Variants in LRRC4B observed in about 807,000 individuals in gnomAD.
LRRC4B encodes the protein leucine-rich repeat-containing protein 4B.
Under a neutral mutation model 7.3 loss-of-function variants are expected in LRRC4B, and 1 was observed. That is an observed-to-expected ratio of 0.14 (90% confidence interval 0.05 to 0.65). The LOEUF is 0.65. Among genes scored for constraint, LRRC4B ranks in the 30% least tolerant of loss-of-function variants. LRRC4B has a pLI of 0.84. For missense variants in LRRC4B, 730 were observed against 1,041.6 expected (o/e 0.70, Z 4.12); for synonymous variants, 500 against 499.2 (o/e 1.00, Z -0.02).
chr19:50,546,837 C>T (rs12974858), intron 2 of LRRC4B, among the ~76,000 whole-genome samples: 16,938 of 152,172 alleles, frequency 0.11, 971 homozygotes, highest in Middle Eastern at 0.18. Flanking sequence ...CCCTGTCCCA[C>T]GCTCTCCCTG....
At chr19:50,540,554 C>T (rs952630608) in intron 2 of LRRC4B, among the ~76,000 whole-genome samples, 4 of 151,852 alleles carry the variant, frequency 2.6e-5, no homozygotes, top group African/African-American at 9.7e-5. Context: ...ACAGGTTTTG[C>T]CGTGTTGGCC....
At chr19:50,566,187 G>A (rs1982621888) in intron 1 of LRRC4B, among the ~76,000 whole-genome samples, 1 of 132,846 alleles carries the variant, frequency 7.5e-6, no homozygotes, top group Admixed American at 7.7e-5. Context: ...TCCTGGCCGC[G>A]GTCCGGGGGT....
rs1418601451 is a variant in LRRC4B at position 50,537,751 on chromosome 19, C to A, written c.297+10791G>T. Among the ~76,000 whole-genome samples the A allele has an allele frequency of 2.6e-5, 4 of 152,080 alleles. No homozygotes were observed. Among genetic ancestry groups the A allele is most frequent in the African/African-American group, 9.7e-5 (4 of 41,398 alleles). ...AAGAAACTGACAAAGTATGGGAAAT[C>A]CTATTTGAAAAGGGTAGAAACTGAG... On this transcript the variant is annotated intron_variant, in intron 2 of 2. Transcript: ENST00000652263. This position sits in a 1 kb window ranked among gnomAD's most constrained non-coding sequence, Gnocchi z 5.5.
At position 50,519,963 on chromosome 19, in the gene LRRC4B, G is replaced by A. The variant is rs1980481931; in HGVS notation, c.298-548C>T. Among the ~76,000 whole-genome samples the A allele has an allele frequency of 6.6e-6, 1 of 151,762 alleles. No individual in the cohort carries two copies. Among genetic ancestry groups the A allele is most frequent in the African/African-American group, 2.4e-5 (1 of 41,404 alleles). On this transcript the variant is annotated intron_variant, in intron 2 of 2. Coordinates refer to ENST00000652263, the MANE Select transcript of LRRC4B (RefSeq NM_001080457.2). The surrounding 1 kb of genome is among the most constrained non-coding windows in gnomAD (Gnocchi z 8.1). ...TAATCCCAGCACTTTGGGAGGCTGA[G>A]GTGGGCAGATCACTTGAACCCAGGA...
intron 2 of LRRC4B, among the ~76,000 whole-genome samples, chr19:50,542,607 G>C (rs1981600644): frequency 6.6e-6 from 1 of 151,014 alleles, no homozygotes; most frequent in African/African-American, 2.4e-5. Flanking sequence ...CTCCCAAGTA[G>C]CTGGGACTAC....
rs2122890510 is a variant in LRRC4B, at chr19:50,548,187, G to A, written c.297+355C>T. On this transcript the variant is annotated intron_variant, in intron 2 of 2. Transcript: ENST00000652263. The surrounding 1 kb of genome is among the most constrained non-coding windows in gnomAD (Gnocchi z 6.8). Reference sequence around the variant, plus strand: ...CAAGGCCACGAGAGGGTGTGGTGGTGCAGATGCCACAGGGGTCCCTGTGAA... The same window carrying A: ...CAAGGCCACGAGAGGGTGTGGTGGTACAGATGCCACAGGGGTCCCTGTGAA... 6.6e-6 allele frequency among the ~76,000 whole-genome samples: 1 copy of A among 152,326 alleles called. No individual in the cohort carries two copies. The highest frequency in any genetic ancestry group is 1.9e-4 in the East Asian group (1 of 5,174).
At chr19:50,522,906 G>A (rs553301566) in intron 2 of LRRC4B, among the ~76,000 whole-genome samples, 3 of 152,238 alleles carry the variant, frequency 2.0e-5, no homozygotes, top group South Asian at 2.1e-4. Flanking sequence ...TTCTAATATC[G>A]GAATGTCAAA....
At chr19:50,524,305 G>A (rs896692843) in intron 2 of LRRC4B, among the ~76,000 whole-genome samples, 1 of 152,206 alleles carries the variant, frequency 6.6e-6, no homozygotes, top group Non-Finnish European at 1.5e-5. Flanking sequence ...GAGTGCAGTG[G>A]CGCAGTCTCG....
rs1982175701 is a variant in LRRC4B at position 50,553,642 on chromosome 19, C to T, written c.-35-4769G>A. Among the ~76,000 whole-genome samples, 1 of 152,186 alleles carries T rather than the reference C, an allele frequency of 6.6e-6. No individual in the cohort carries two copies. The highest frequency in any genetic ancestry group is 2.1e-4 in the South Asian group (1 of 4,828). Reference sequence around the variant, plus strand: ...CCCTCTCCAGAACCTTCTCTGTTTCCTTTTTCTCCATGACATTTATCAGCA... The same window carrying T: ...CCCTCTCCAGAACCTTCTCTGTTTCTTTTTTCTCCATGACATTTATCAGCA... On this transcript the variant is annotated intron_variant, in intron 1 of 2. Coordinates refer to ENST00000652263, the MANE Select transcript of LRRC4B (RefSeq NM_001080457.2). The surrounding 1 kb of genome is among the most constrained non-coding windows in gnomAD (Gnocchi z 4.2).
chr19:50,566,424 C>T (rs933381529), intron 1 of LRRC4B, among the ~76,000 whole-genome samples: 32 of 151,546 alleles, frequency 2.1e-4, no homozygotes, highest in Admixed American at 7.2e-4. Flanking sequence ...CTCCCCCTTC[C>T]CAGCTGGGCT....
At chr19:50,541,628 C>A (rs1981554170) in intron 2 of LRRC4B, among the ~76,000 whole-genome samples, 1 of 152,128 alleles carries the variant, frequency 6.6e-6, no homozygotes, top group Non-Finnish European at 1.5e-5. Context: ...TTGGTTTGTT[C>A]CTTAAGCTGG....
In LRRC4B at chr19:50,518,376, G is replaced by T. The variant is rs1437098561; in HGVS notation, c.1337C>A (p.Thr446Asn). The T allele has an allele frequency of 1.3e-6, 2 of 1,594,406 alleles. No homozygotes were observed. Among genetic ancestry groups the T allele is most frequent in the East Asian group, 4.5e-5 (2 of 44,682 alleles). ...CMVTNSAGNT[T>N]ASATLNVSAV... ...CGAGACGTTGAGCGTGGCCGAGGCGGTGGTGTTGCCGGCTGAGTTCGTCAC... is the reference window on the plus strand; with the variant it reads ...CGAGACGTTGAGCGTGGCCGAGGCGTTGGTGTTGCCGGCTGAGTTCGTCAC... Residue 446 changes from threonine (T) to asparagine (N), a missense_variant, in exon 3 of 3, where the codon ACC (threonine) becomes AAC (asparagine). Physicochemically the swap from Thr to Asn is moderately conservative, Grantham distance 65 (BLOSUM62 0). This residue lies in a region of LRRC4B where 192 missense variants were observed against 228.6 expected (regional missense o/e 0.84). Transcript: ENST00000652263.
chr19:50,562,139 A>G (rs1982488243), intron 1 of LRRC4B, among the ~76,000 whole-genome samples: 2 of 150,530 alleles, frequency 1.3e-5, no homozygotes, highest in South Asian at 4.2e-4. Context: ...AAAAAAATTG[A>G]ATTTCCACTT....
intron 2 of LRRC4B, among the ~76,000 whole-genome samples, chr19:50,528,457 G>A (rs1980912964): frequency 6.6e-6 from 1 of 152,070 alleles, no homozygotes; most frequent in South Asian, 2.1e-4. Flanking sequence ...CAATTCTCCT[G>A]CCTCAGCCTC....
chr19:50,528,315 A>G (rs1407522106), intron 2 of LRRC4B, among the ~76,000 whole-genome samples: 2 of 152,122 alleles, frequency 1.3e-5, no homozygotes, highest in African/African-American at 2.4e-5. Flanking sequence ...TGCCGGGATT[A>G]CAGGTGTGAG....
At chr19:50,546,207 C>G (rs1018115769) in intron 2 of LRRC4B, among the ~76,000 whole-genome samples, 2 of 151,938 alleles carry the variant, frequency 1.3e-5, no homozygotes, top group Admixed American at 6.6e-5. Context: ...TGGCAGCAGG[C>G]GCCTGTAATC....
At chr19:50,564,626 G>A (rs1982568120) in intron 1 of LRRC4B, among the ~76,000 whole-genome samples, 1 of 152,086 alleles carries the variant, frequency 6.6e-6, no homozygotes, top group Non-Finnish European at 1.5e-5. Flanking sequence ...TCCCAGGGAA[G>A]ATGAGGGGAG....
At chr19:50,552,703 CCCATCCGT>C (rs371884470) in intron 1 of LRRC4B, among the ~76,000 whole-genome samples, 20 of 77,350 alleles carry the variant, frequency 2.6e-4, no homozygotes, top group African/African-American at 8.0e-4. Context: ...CATCCATCCG[CCCATCCGT>C]CCATCCGTCT....
intron 1 of LRRC4B, among the ~76,000 whole-genome samples, chr19:50,560,271 A>G (rs1179786021): frequency 6.6e-6 from 1 of 152,108 alleles, no homozygotes; most frequent in Non-Finnish European, 1.5e-5. Flanking sequence ...TCTCACTCCT[A>G]TATTCCATTT....
Sources: allele counts gnomAD v4.1 joint callset (sites outside exome capture counted in the v4.1 genomes callset), GRCh38; gene constraint gnomAD v4.1.1; regional missense constraint gnomAD v4.1.1; non-coding constraint Gnocchi (gnomAD v3.1); transcripts MANE v1.5; gene names NCBI Gene and HGNC (gene_info 2026-07-23, HGNC 2026-07-21).